The following HAO2 variants were observed in gnomAD, a reference collection of about 807,000 sequenced individuals.
The protein encoded by HAO2 is hydroxyacid oxidase 2.
A neutral mutation model predicts 37.4 loss-of-function variants in HAO2; 42 were observed. That is an observed-to-expected ratio of 1.12 (90% confidence interval 0.88 to 1.45). The LOEUF (loss-of-function observed/expected upper bound fraction) is 1.45. Ranked by LOEUF, HAO2 falls within the 40% of genes most tolerant of loss-of-function variation. The pLI is 0.00. For missense variants in HAO2, 476 were observed against 430.2 expected (o/e 1.11, Z -0.94); for synonymous variants, 180 against 162.8 (o/e 1.11, Z -0.81).
intron 1 of HAO2, among the ~76,000 whole-genome samples, chr1:119,377,219 C>A (rs1416973412): frequency 6.6e-6 from 1 of 152,176 alleles, no homozygotes; most frequent in Non-Finnish European, 1.5e-5. Flanking sequence ...TTTCTTCTGC[C>A]AGATACTCTA....
intron 5 of HAO2, among the ~76,000 whole-genome samples, chr1:119,389,091 C>T (rs1475465304): frequency 6.8e-5 from 7 of 102,732 alleles, no homozygotes; most frequent in South Asian, 6.5e-4. Flanking sequence ...CAGGTTGCTG[C>T]GAATGCCATT....
Position 119,384,866 on chromosome 1 carries a change from G to A in HAO2, c.374G>A (p.Arg125Gln), listed in dbSNP as rs771696520. 35 of 1,613,698 alleles carry A rather than the reference G, an allele frequency of 2.2e-5. No individual in the cohort carries two copies. The highest frequency in any genetic ancestry group is 8.3e-5 in the Admixed American group (5 of 59,998). The stretch of plus-strand genomic sequence containing the variant: ...GTCATTGCAGCTCCCGAAGGCCTCC[G>A]ATGGTTCCAACTCTATGTGCATCCA... The part of the protein sequence containing the change: ...DIVIAAPEGL[R>Q]WFQLYVHPDL... The change falls in exon 4 of 8, where the codon CGA (arginine) becomes CAA (glutamine). Residue 125 changes from arginine (R) to glutamine (Q), a missense_variant. Physicochemically the swap from Arg to Gln is conservative, Grantham distance 43. Coordinates refer to ENST00000325945, the MANE Select transcript of HAO2 (RefSeq NM_016527.4).
At chr1:119,373,853 G>C (rs1242720928) in intron 1 of HAO2, among the ~76,000 whole-genome samples, 1 of 152,120 alleles carries the variant, frequency 6.6e-6, no homozygotes, top group Non-Finnish European at 1.5e-5. Flanking sequence ...GCCTAAAAAG[G>C]AGAGATTATT....
In HAO2 at chr1:119,392,218, G is replaced by A; in HGVS notation, c.880G>A (p.Ala294Thr). 6.2e-7 allele frequency: 1 copy of A among 1,613,434 alleles called. No homozygotes were observed. Among genetic ancestry groups the A allele is most frequent in the Non-Finnish European group, 8.5e-7 (1 of 1,179,556 alleles). The change falls in exon 6 of 8, where the codon GCT becomes ACT. Residue 294 changes from alanine to threonine, a missense_variant. By Grantham distance (58) the Ala-to-Thr change is moderately conservative (BLOSUM62 0). Coordinates refer to ENST00000325945, the MANE Select transcript of HAO2 (RefSeq NM_016527.4). The stretch of plus-strand genomic sequence containing the variant: ...TGTGCTGAAGGCTCTGGCCCTTGGA[G>A]CTAAGTGCATTTTTCTTGGGAGACC... ...NDVLKALALGAKCIFLGRPIL... is the reference protein window; with the variant it reads ...NDVLKALALGTKCIFLGRPIL...
At chr1:119,381,273 C>G in intron 2 of HAO2, 57 bp downstream of exon 2, 1 of 1,263,432 alleles carries the variant, frequency 7.9e-7, no homozygotes, top group Non-Finnish European at 1.2e-6. Flanking sequence ...TGGAGAGCAA[C>G]TTGGACAGTA....
intron 1 of HAO2, among the ~76,000 whole-genome samples, chr1:119,376,987 T>A (rs1649525709): frequency 6.6e-6 from 1 of 152,208 alleles, no homozygotes; most frequent in African/African-American, 2.4e-5. Flanking sequence ...GGCTCCTCGT[T>A]ACATATGCAA....
rs1650067347 is a variant in HAO2 at position 119,382,883 on chromosome 1, C to T, written c.132-32C>T. ...GCCTCCCTGCTGCAGAATCATCTCA[C>T]CAACAGAAGATCTCTTTGTTGTCCG... On this transcript the variant is annotated intron_variant, in intron 2 of 7. Coordinates refer to ENST00000325945, the MANE Select transcript of HAO2 (RefSeq NM_016527.4). The T allele has an allele frequency of 1.9e-6, 3 of 1,604,430 alleles. No individual in the cohort carries two copies. In the East Asian group the frequency reaches 6.7e-5, roughly 36 times the overall value.
intron 6 of HAO2, 126 bp from the exon 7 acceptor site, chr1:119,392,492 C>A (rs1650992785): frequency 2.6e-6 from 2 of 777,204 alleles, no homozygotes; most frequent in African/African-American, 1.7e-5. Context: ...CAAGGTAATT[C>A]TCACTTCACA....
intron 4 of HAO2, chr1:119,385,505 A>C: frequency 1.2e-6 from 1 of 800,414 alleles, no homozygotes; most frequent in Non-Finnish European, 1.5e-6. Flanking sequence ...CAGTCTAGAC[A>C]GGCCAGGTTC....
chr1:119,388,720 G>A (rs138975135), intron 5 of HAO2, among the ~76,000 whole-genome samples: 18 of 152,192 alleles, frequency 1.2e-4, no homozygotes, highest in African/African-American at 4.1e-4. Context: ...ACAGGTCAGA[G>A]TTTGCCATTT....
Position 119,391,380 on chromosome 1 carries a change from A to C in HAO2, c.772-730A>C, listed in dbSNP as rs1052446670. On this transcript the variant is annotated intron_variant, in intron 5 of 7. Transcript: ENST00000325945. ...GACTTGTAGGTGCCTAGAAGCATAG[A>C]TCGGCCTGGGGCACCTTGTGTGCTC... Among the ~76,000 whole-genome samples, 11 of 152,194 alleles carry C rather than the reference A, an allele frequency of 7.2e-5. No individual in the cohort carries two copies. The East Asian group carries it at 1.3e-3, about 19-fold the overall frequency.
Position 119,394,052 on chromosome 1 carries a change from A to G in HAO2, c.*212A>G. The G allele has an allele frequency of 7.3e-7, 1 of 1,373,756 alleles. No homozygotes were observed. 85.1% of individuals were successfully genotyped at this position (1,373,756 alleles called of 1,614,324 possible). On this transcript the variant is annotated 3_prime_UTR_variant, in exon 8 of 8. Coordinates refer to ENST00000325945, the MANE Select transcript of HAO2 (RefSeq NM_016527.4). ...TTCCATGCCCTTCTTTGTATCACTGACTATTATATGTTGCTCTCTTGCCTA... is the reference window on the plus strand; with the variant it reads ...TTCCATGCCCTTCTTTGTATCACTGGCTATTATATGTTGCTCTCTTGCCTA...
chr1:119,382,786 C>A, intron 2 of HAO2, 129 bp from the exon 3 acceptor site: 1 of 788,630 alleles, frequency 1.3e-6, no homozygotes, highest in East Asian at 2.7e-5. Context: ...CCAACTGAAC[C>A]CACCAAGGTT....
intron 6 of HAO2, 138 bp downstream of exon 6, chr1:119,392,406 T>C: frequency 1.3e-6 from 1 of 775,838 alleles, no homozygotes; most frequent in Non-Finnish European, 2.1e-6. Context: ...TGCATCTCCA[T>C]GCTTCTTCTG....
At chr1:119,381,259 C>G in intron 2 of HAO2, 43 bp downstream of exon 2, 3 of 1,488,060 alleles carry the variant, frequency 2.0e-6, no homozygotes, top group Non-Finnish European at 2.8e-6. Context: ...TTAAGGTGCA[C>G]TGGTGGAGAG....
intron 1 of HAO2, among the ~76,000 whole-genome samples, chr1:119,375,175 G>A (rs1649347641): frequency 6.6e-6 from 1 of 152,054 alleles, no homozygotes; most frequent in African/African-American, 2.4e-5. Flanking sequence ...AAATAAAATG[G>A]GAATACAAGA....
At chr1:119,391,952 G>A (rs1650944088) in intron 5 of HAO2, among the ~76,000 whole-genome samples, 158 bp from the exon 6 acceptor site, 1 of 152,130 alleles carries the variant, frequency 6.6e-6, no homozygotes, top group Non-Finnish European at 1.5e-5. Flanking sequence ...GAATGTGACT[G>A]CCGCTGCAGT....
At chr1:119,373,154 A>G (rs1219842746) in intron 1 of HAO2, among the ~76,000 whole-genome samples, 1 of 152,194 alleles carries the variant, frequency 6.6e-6, no homozygotes, top group African/African-American at 2.4e-5. Flanking sequence ...CACTGACTGG[A>G]TGAAGCAAAA....
At chr1:119,389,152 A>G (rs188754286) in intron 5 of HAO2, among the ~76,000 whole-genome samples, 6,058 of 74,712 alleles carry the variant, frequency 0.081, 1,862 homozygotes, top group East Asian at 0.39. Flanking sequence ...ATATATATAT[A>G]TATATATATA....
Sources: gnomAD v4.1 joint callset for allele counts (sites outside exome capture counted in the v4.1 genomes callset) on GRCh38, gnomAD v4.1.1 for gene constraint, MANE v1.5 for transcripts, NCBI Gene and HGNC (gene_info 2026-07-23, HGNC 2026-07-21) for gene names.